Variants in NUFIP1 observed in about 807,000 individuals in gnomAD.
The protein encoded by NUFIP1 is nuclear FMR1 interacting protein 1, also known as FMR1-interacting protein NUFIP1.
NUFIP1 carries 38 observed loss-of-function variants against 56.2 expected under a neutral mutation model. The observed-to-expected ratio is 0.68, with a 90% CI of 0.52 to 0.89. The LOEUF (loss-of-function observed/expected upper bound fraction) is 0.89, where lower values mean the gene tolerates loss of function less well. Ranked by LOEUF, NUFIP1 falls within the 40% of genes least tolerant of loss-of-function variation. The pLI is 0.00. For missense variants in NUFIP1, 567 were observed against 605.8 expected, an observed-to-expected ratio of 0.94 and a Z score of 0.67; for synonymous variants, 215 against 212.4, an observed-to-expected ratio of 1.01 and a Z score of -0.10.
chr13:44,959,574 G>T lies in NUFIP1; in HGVS notation c.828C>A (p.Gly276=). The T allele has an allele frequency of 1.3e-6, 2 of 1,593,864 alleles. No individual in the cohort carries two copies. The highest frequency in any genetic ancestry group is 1.2e-5 in the South Asian group (1 of 86,790). ...AATGTCTGGACATCCCCTTCATCTT[G>T]CTGGAGTAAGAAAATTGCAATTTTT... ...RGAVLTTTQY[G]KMKGMSRHSQ... is the part of the protein sequence containing the mutation. The change falls in exon 7 of 10, where the codon GGC becomes GGA. Residue 276 remains glycine (G), a splice_region_variant and synonymous_variant. Coordinates refer to ENST00000379161, the MANE Select transcript of NUFIP1 (RefSeq NM_012345.3).
At chr13:44,941,611 T>C (rs1870739398) in intron 9 of NUFIP1, among the ~76,000 whole-genome samples, 1 of 152,188 alleles carries the variant, frequency 6.6e-6, no homozygotes, top group South Asian at 2.1e-4. Context: ...CCTCCCGGGT[T>C]CACGCCATTC....
Position 44,989,270 on chromosome 13 carries a change from G to C in NUFIP1, c.167C>G (p.Ala56Gly). ...PPPPLTSSLP[A>G]AGSKPSSESQ... ...CTCAGAGGAAGGCTTTGACCCGGCT[G>C]CGGGAAGCGAGGACGTAAGTGGTGG... Residue 56 changes from alanine to glycine, a missense_variant, in exon 1 of 10, where the codon GCA (alanine) becomes GGA (glycine). Coordinates refer to ENST00000379161, the MANE Select transcript of NUFIP1 (RefSeq NM_012345.3). The C allele has an allele frequency of 6.2e-7, 1 of 1,613,550 alleles. No homozygotes were observed. Among genetic ancestry groups the C allele is most frequent in the Non-Finnish European group, 8.5e-7 (1 of 1,179,848 alleles).
At chr13:44,988,109 T>C (rs970093743) in intron 1 of NUFIP1, among the ~76,000 whole-genome samples, 3 of 152,230 alleles carry the variant, frequency 2.0e-5, no homozygotes, top group Admixed American at 6.5e-5. Context: ...TCCTTATGAC[T>C]AACAATGACA....
At chr13:44,941,349 G>C (rs41288341) in intron 9 of NUFIP1, 27 bp from the exon 10 acceptor site, 42,193 of 1,351,632 alleles carry the variant, frequency 0.031, 1,105 homozygotes, top group East Asian at 0.13. Flanking sequence ...AAAAAGATGA[G>C]GTAGTAAATA....
rs1870702425 is a variant in NUFIP1 at position 44,940,688 on chromosome 13, T to A, written c.*518A>T. Reference sequence around the variant, plus strand: ...ATGTAAGTCGTGCTAGTAGGTGAATTTAAACATGTCTTAAATAAGGAATAT... The same window carrying A: ...ATGTAAGTCGTGCTAGTAGGTGAATATAAACATGTCTTAAATAAGGAATAT... On this transcript the variant is annotated 3_prime_UTR_variant, in exon 10 of 10. Transcript: ENST00000379161. The A allele has an allele frequency of 6.6e-6, 1 of 152,292 alleles. No individual in the cohort carries two copies. Among genetic ancestry groups the A allele is most frequent in the South Asian group, 2.1e-4 (1 of 4,840 alleles). 9.4% of individuals were successfully genotyped at this position (152,292 alleles called of 1,614,324 possible). A position where few individuals can be genotyped will look rare whatever the true frequency, so the allele number is the denominator to read the frequency against.
At chr13:44,983,589 G>C (rs75020024) in intron 1 of NUFIP1, among the ~76,000 whole-genome samples, 10,918 of 152,078 alleles carry the variant, frequency 0.072, 626 homozygotes, top group East Asian at 0.19. Context: ...TTGAGCCCAA[G>C]AGTTTGAGAT....
intron 7 of NUFIP1, among the ~76,000 whole-genome samples, chr13:44,959,169 C>T (rs1424654990): frequency 6.6e-6 from 1 of 152,188 alleles, no homozygotes; most frequent in African/African-American, 2.4e-5. Context: ...TCTCCTATAG[C>T]CTCCCTGCCC....
intron 5 of NUFIP1, among the ~76,000 whole-genome samples, chr13:44,969,040 C>T (rs1042987929): frequency 6.6e-6 from 1 of 151,916 alleles, no homozygotes; most frequent in Non-Finnish European, 1.5e-5. Flanking sequence ...ATATCATGTT[C>T]CTAAAGGTAA....
At chr13:44,958,921 G>A (rs1240180458) in intron 7 of NUFIP1, among the ~76,000 whole-genome samples, 1 of 152,136 alleles carries the variant, frequency 6.6e-6, no homozygotes, top group Non-Finnish European at 1.5e-5. Flanking sequence ...TATAATCTAT[G>A]CTCTGAAGAA....
chr13:44,960,761 T>C (rs1403596792), intron 6 of NUFIP1, among the ~76,000 whole-genome samples: 3 of 152,108 alleles, frequency 2.0e-5, no homozygotes, highest in Non-Finnish European at 4.4e-5. Flanking sequence ...ACAACTACTT[T>C]TAGAAAGAAA....
chr13:44,973,368 A>G (rs1166996033), intron 5 of NUFIP1, among the ~76,000 whole-genome samples: 1 of 152,178 alleles, frequency 6.6e-6, no homozygotes, highest in Non-Finnish European at 1.5e-5. Flanking sequence ...TTTCTGCCCA[A>G]TTTCTCTAAA....
intron 7 of NUFIP1, among the ~76,000 whole-genome samples, chr13:44,952,724 C>T (rs566157460): frequency 4.6e-5 from 7 of 152,284 alleles, no homozygotes; most frequent in African/African-American, 1.7e-4. Context: ...AACACTGGTA[C>T]CACACTAGTA....
At chr13:44,969,792 T>A (rs567432847) in intron 5 of NUFIP1, among the ~76,000 whole-genome samples, 1 of 152,304 alleles carries the variant, frequency 6.6e-6, no homozygotes, top group Admixed American at 6.5e-5. Flanking sequence ...CATTATTCTC[T>A]CCAATTTTTT....
chr13:44,987,684 A>G (rs1474813931), intron 1 of NUFIP1, among the ~76,000 whole-genome samples: 1 of 152,182 alleles, frequency 6.6e-6, no homozygotes, highest in Middle Eastern at 3.2e-3. Flanking sequence ...ACTACTTCTC[A>G]CCATCCCTTG....
chr13:44,939,526 T>C lies in NUFIP1; in HGVS notation c.*1680A>G, dbSNP rs2137886571. 1 of 152,276 alleles carries C rather than the reference T, an allele frequency of 6.6e-6. No individual in the cohort carries two copies. Among genetic ancestry groups the C allele is most frequent in the South Asian group, 2.1e-4 (1 of 4,828 alleles). 9.4% of individuals were successfully genotyped at this position (152,276 alleles called of 1,614,324 possible). ...ACCCAAAACAGGCAAAGCACCCCTC[T>C]ACCCACCCAAAACTCATAGAATATT... On this transcript the variant is annotated 3_prime_UTR_variant, in exon 10 of 10. Transcript: ENST00000379161.
intron 5 of NUFIP1, among the ~76,000 whole-genome samples, chr13:44,977,145 C>T (rs1267060652): frequency 3.9e-5 from 6 of 152,338 alleles, no homozygotes; most frequent in African/African-American, 1.4e-4. Flanking sequence ...GTTAAGTATT[C>T]CCACACTACA....
intron 5 of NUFIP1, among the ~76,000 whole-genome samples, chr13:44,969,120 GATTTT>G (rs1871716656): frequency 6.6e-6 from 1 of 152,040 alleles, no homozygotes; most frequent in Non-Finnish European, 1.5e-5. Context: ...AAAGTTGTAA[GATTTT>G]ATTTTTCTTG....
At chr13:44,950,288 T>C (rs17066366) in intron 7 of NUFIP1, among the ~76,000 whole-genome samples, 16,570 of 152,174 alleles carry the variant, frequency 0.11, 1,754 homozygotes, top group African/African-American at 0.26. Context: ...TTTTTGGGGA[T>C]CCAAATAATA....
At chr13:44,943,385 G>A in intron 9 of NUFIP1, 57 bp downstream of exon 9, 2 of 1,387,620 alleles carry the variant, frequency 1.4e-6, no homozygotes, top group South Asian at 2.4e-5. Context: ...CACCCCAGTG[G>A]CTCTATCTTT....
Sources: allele counts gnomAD v4.1 joint callset (sites outside exome capture counted in the v4.1 genomes callset), GRCh38; gene constraint gnomAD v4.1.1; transcripts MANE v1.5; gene names NCBI Gene and HGNC (gene_info 2026-07-23, HGNC 2026-07-21).